Variants in ABCA9 observed in about 807,000 individuals in gnomAD.
ABCA9 encodes ATP-binding cassette sub-family A member 9.
Under a neutral mutation model 205.3 loss-of-function variants are expected in ABCA9, and 183 were observed. The ratio of observed to expected loss-of-function variants is 0.89; its 90% CI spans 0.79 to 1.01. The LOEUF is 1.01. ABCA9 is among the 50% of genes least tolerant of loss of function. ABCA9 has a pLI of 0.00. For synonymous variants in ABCA9, 651 were observed against 683.3 expected, an observed-to-expected ratio of 0.95 and a Z score of 0.74; for missense variants, 1,805 against 1,912.4, an observed-to-expected ratio of 0.94 and a Z score of 1.05.
intron 19 of ABCA9, among the ~76,000 whole-genome samples, chr17:69,018,913 G>A (rs2070727491): frequency 6.6e-6 from 1 of 151,902 alleles, no homozygotes; most frequent in African/African-American, 2.4e-5. Context: ...TACTGAAATT[G>A]GCATATCACT....
intron 37 of ABCA9, 35 bp downstream of exon 37, chr17:68,982,527 T>C (rs1370183072): frequency 6.6e-7 from 1 of 1,519,918 alleles, no homozygotes; most frequent in East Asian, 2.2e-5. Flanking sequence ...GCTTATCTGT[T>C]TCCCAGAGTT....
intron 1 of ABCA9, among the ~76,000 whole-genome samples, chr17:69,053,269 T>C (rs1383631964): frequency 6.6e-6 from 1 of 152,188 alleles, no homozygotes; most frequent in African/African-American, 2.4e-5. Flanking sequence ...AGCCATCAGA[T>C]ATCTCATTAA....
chr17:69,050,323 AAC>A (rs149951202), intron 2 of ABCA9, among the ~76,000 whole-genome samples: 85 of 123,402 alleles, frequency 6.9e-4, no homozygotes, highest in South Asian at 1.5e-3. Flanking sequence ...TTGTTGCATG[AAC>A]ACACACACAC....
At chr17:69,029,653 C>G (rs1023680866) in intron 10 of ABCA9, among the ~76,000 whole-genome samples, 5 of 152,070 alleles carry the variant, frequency 3.3e-5, no homozygotes, top group Non-Finnish European at 7.4e-5. Context: ...CTGGTGAAGT[C>G]CCAGTTGTGC....
At chr17:69,009,344 A>C (rs1177692410) in intron 23 of ABCA9, among the ~76,000 whole-genome samples, 1 of 152,122 alleles carries the variant, frequency 6.6e-6, no homozygotes, top group Non-Finnish European at 1.5e-5. Context: ...TGAATAGGAT[A>C]TATCTGGGTG....
chr17:69,005,788 G>T (rs763624740), intron 25 of ABCA9, among the ~76,000 whole-genome samples: 6 of 152,146 alleles, frequency 3.9e-5, no homozygotes, highest in Non-Finnish European at 8.8e-5. Context: ...TCTGAAACAG[G>T]TGATTTAAGT....
At chr17:69,054,996 T>C (rs1035301656) in intron 1 of ABCA9, among the ~76,000 whole-genome samples, 1 of 151,922 alleles carries the variant, frequency 6.6e-6, no homozygotes, top group Admixed American at 6.6e-5. Flanking sequence ...TCTAAATGAA[T>C]GATAATCTAA....
chr17:69,044,519 G>A lies in ABCA9; in HGVS notation c.551C>T (p.Ala184Val), dbSNP rs369055026. The A allele has an allele frequency of 1.5e-5, 25 of 1,612,934 alleles. No individual in the cohort carries two copies. In the African/African-American group the frequency reaches 2.3e-4, roughly 15 times the overall value. Residue 184 changes from alanine to valine, a missense_variant, in exon 5 of 39, where the codon GCC becomes GTC. By Grantham distance (64) the Ala-to-Val change is moderately conservative. Coordinates refer to ENST00000340001, the MANE Select transcript of ABCA9 (RefSeq NM_080283.4). ...WEKGFVAFQAAINAAIIEIAT... is the reference protein window; with the variant it reads ...WEKGFVAFQAVINAAIIEIAT... ...CACTTCTATGATAGCAGCATTAATG[G>A]CAGCTTGAAAAGCTACAAAGCCTTT...
the ABCA9 span, among the ~76,000 whole-genome samples, chr17:69,077,986 C>A: frequency 1.4e-4 from 21 of 151,778 alleles, no homozygotes; most frequent in Admixed American, 7.9e-4. Context: ...AATATCAAAT[C>A]CCATAAAACT....
intron 3 of ABCA9, among the ~76,000 whole-genome samples, chr17:69,045,543 A>G (rs922388772): frequency 3.9e-5 from 6 of 152,178 alleles, no homozygotes; most frequent in Admixed American, 6.5e-5. Flanking sequence ...TATTGCAAAT[A>G]TAACTTACCC....
intron 37 of ABCA9, among the ~76,000 whole-genome samples, chr17:68,976,679 T>C (rs2068900252): frequency 6.6e-6 from 1 of 152,236 alleles, no homozygotes. Flanking sequence ...AAGTTCTACA[T>C]GACTCTACCC....
At chr17:69,028,248 C>A (rs2071056146) in intron 12 of ABCA9, among the ~76,000 whole-genome samples, 1 of 152,146 alleles carries the variant, frequency 6.6e-6, no homozygotes, top group Non-Finnish European at 1.5e-5. Flanking sequence ...CTCACTGCAA[C>A]CTCCGCCTCC....
chr17:69,024,059 ATAT>A (rs2144314125), intron 17 of ABCA9, among the ~76,000 whole-genome samples, 152 bp downstream of exon 17: 1 of 152,306 alleles, frequency 6.6e-6, no homozygotes, highest in Admixed American at 6.5e-5. Context: ...CTAAGGGGTA[ATAT>A]TATAAGTGAC....
chr17:69,022,539 C>T (rs1293964142), intron 17 of ABCA9: 13 of 149,352 alleles, frequency 8.7e-5, no homozygotes, highest in South Asian at 2.1e-4. Context: ...TGTGTGTGTG[C>T]GCGCGTTTAG....
At chr17:69,068,932 C>A in the ABCA9 span, among the ~76,000 whole-genome samples, 1 of 152,236 alleles carries the variant, frequency 6.6e-6, no homozygotes, top group South Asian at 2.1e-4. Context: ...CCCTAAAAAT[C>A]TTATAGTTTA....
intron 7 of ABCA9, 24 bp downstream of exon 7, chr17:69,035,636 C>T: frequency 6.2e-7 from 1 of 1,610,670 alleles, no homozygotes; most frequent in East Asian, 2.2e-5. Context: ...GAATAAAAGA[C>T]TTAGATGAAA....
intron 25 of ABCA9, among the ~76,000 whole-genome samples, chr17:69,000,342 T>C (rs1299510911): frequency 1.1e-4 from 16 of 150,354 alleles, no homozygotes; most frequent in Non-Finnish European, 1.6e-4. Flanking sequence ...GCTTTCTACA[T>C]ATGGCTAGCC....
intron 25 of ABCA9, among the ~76,000 whole-genome samples, chr17:69,004,022 A>C (rs1396071883): frequency 1.3e-5 from 2 of 151,850 alleles, no homozygotes; most frequent in Non-Finnish European, 2.9e-5. Flanking sequence ...CTTTCTTCTA[A>C]ATTTTTTTCA....
chr17:69,067,562 A>G, the ABCA9 span, among the ~76,000 whole-genome samples: 71 of 143,522 alleles, frequency 4.9e-4, no homozygotes, highest in African/African-American at 1.5e-3. Context: ...GAGACCTTGG[A>G]AAAAAAAAAA....
Sources: gnomAD v4.1 joint callset for allele counts (sites outside exome capture counted in the v4.1 genomes callset) on GRCh38, gnomAD v4.1.1 for gene constraint, MANE v1.5 for transcripts, NCBI Gene and HGNC (gene_info 2026-07-23, HGNC 2026-07-21) for gene names.